Variants in ZCCHC10 observed in about 807,000 individuals in gnomAD.
The protein encoded by ZCCHC10 is zinc finger CCHC domain-containing protein 10.
In ZCCHC10, 16 loss-of-function variants were observed where a neutral mutation model predicts 19.5. That is an observed-to-expected ratio of 0.82 (90% CI 0.56 to 1.25). The LOEUF is 1.25. Ranked by LOEUF, ZCCHC10 falls within the 50% of genes most tolerant of loss-of-function variation. The pLI, the probability that ZCCHC10 is intolerant of heterozygous loss-of-function variation, is 0.00. For synonymous variants in ZCCHC10, 67 were observed against 72.5 expected, an observed-to-expected ratio of 0.92 and a Z score of 0.38; for missense variants, 197 against 201.0, an observed-to-expected ratio of 0.98 and a Z score of 0.12.
chr5:133,009,255 G>A (rs147924073), intron 2 of ZCCHC10, among the ~76,000 whole-genome samples: 4,458 of 151,902 alleles, frequency 0.029, 219 homozygotes, highest in African/African-American at 0.1. Context: ...CACCTACTTC[G>A]GCCTCCCAAA....
At chr5:133,020,230 G>A (rs1764211993) in intron 2 of ZCCHC10, among the ~76,000 whole-genome samples, 1 of 151,676 alleles carries the variant, frequency 6.6e-6, no homozygotes, top group Non-Finnish European at 1.5e-5. Context: ...ACTTTGGAAG[G>A]CCAAGGCAGA....
At chr5:133,015,432 C>T (rs1763858594) in intron 2 of ZCCHC10, among the ~76,000 whole-genome samples, 1 of 152,080 alleles carries the variant, frequency 6.6e-6, no homozygotes, top group African/African-American at 2.4e-5. Flanking sequence ...AATATGTTCA[C>T]AAATTTTGTG....
intron 2 of ZCCHC10, among the ~76,000 whole-genome samples, chr5:133,016,617 A>G (rs532042621): frequency 3.6e-4 from 54 of 151,728 alleles, no homozygotes; most frequent in Admixed American, 1.1e-3. Context: ...TAATTTTTGT[A>G]TTTTTAGTAG....
chr5:133,001,953 C>CT (rs34331639), intron 3 of ZCCHC10, among the ~76,000 whole-genome samples: 11,779 of 77,906 alleles, frequency 0.15, 3,895 homozygotes, highest in Non-Finnish European at 0.23. Context: ...ATTCAGCAAT[C>CT]TTTTTTTTTT....
intron 3 of ZCCHC10, among the ~76,000 whole-genome samples, chr5:133,005,379 G>A (rs1246451088): frequency 2.0e-5 from 3 of 152,156 alleles, no homozygotes; most frequent in Non-Finnish European, 4.4e-5. Context: ...TTGGGAGGCT[G>A]AGGTGGGTGG....
chr5:133,022,457 CTTTTT>C (rs752460017), intron 2 of ZCCHC10, among the ~76,000 whole-genome samples: 1 of 141,550 alleles, frequency 7.1e-6, no homozygotes, highest in African/African-American at 2.6e-5. Flanking sequence ...TATTGTTCAA[CTTTTT>C]TTTTTTTTTT....
Position 132,998,819 on chromosome 5 carries a change from T to C in ZCCHC10, c.343A>G (p.Ser115Gly), listed in dbSNP as rs373349005. 3.1e-6 allele frequency: 5 copies of C among 1,614,108 alleles called. No individual in the cohort carries two copies. The African/African-American group carries it at 5.3e-5, about 17-fold the overall frequency. Residue 115 changes from serine to glycine, a missense_variant, in exon 5 of 5, where the codon AGC (serine) becomes GGC (glycine). Ser to Gly is a moderately conservative substitution (Grantham distance 56, BLOSUM62 0). Coordinates refer to ENST00000509437, the MANE Select transcript of ZCCHC10 (RefSeq NM_001300816.3). ...SKSVTSSSSSSSDSSASDSSS... is the reference protein window; with the variant it reads ...SKSVTSSSSSGSDSSASDSSS... ...GAATCACTGGCAGAACTGTCACTGC[T>C]ACTGCTACTGGAACTGGTTACACTC...
chr5:133,013,318 G>C (rs1005943010), intron 2 of ZCCHC10, among the ~76,000 whole-genome samples: 10 of 146,568 alleles, frequency 6.8e-5, no homozygotes, highest in African/African-American at 2.5e-4. Flanking sequence ...ATATGAAAAA[G>C]TATTCATTAG....
chr5:133,003,383 A>C, intron 3 of ZCCHC10: 1 of 302,652 alleles, frequency 3.3e-6, no homozygotes, highest in South Asian at 3.0e-5. Context: ...GTTTTACTAT[A>C]AAGCTCCTTT....
In ZCCHC10 at chr5:133,021,086, T is replaced by C. The variant is rs534280755; in HGVS notation, c.107+1755A>G. Among the ~76,000 whole-genome samples, 5 of 152,216 alleles carry C rather than the reference T, an allele frequency of 3.3e-5. No homozygotes were observed. In the South Asian group the frequency reaches 1.0e-3, roughly 32 times the overall value. On this transcript the variant is annotated intron_variant, in intron 2 of 4. Coordinates refer to ENST00000509437, the MANE Select transcript of ZCCHC10 (RefSeq NM_001300816.3). ...TAATTTTTTGTATTTTTAGTAGAGATGGGGTTTCACTGTGTTAGCCAGGAT... is the reference window on the plus strand; with the variant it reads ...TAATTTTTTGTATTTTTAGTAGAGACGGGGTTTCACTGTGTTAGCCAGGAT...
chr5:133,012,042 C>T (rs1278564958), intron 2 of ZCCHC10, among the ~76,000 whole-genome samples: 1 of 144,876 alleles, frequency 6.9e-6, no homozygotes, highest in Non-Finnish European at 1.5e-5. Flanking sequence ...GAGGCTGAGG[C>T]AGGAGAATTG....
At chr5:133,015,242 C>G (rs1189169975) in intron 2 of ZCCHC10, among the ~76,000 whole-genome samples, 4 of 151,838 alleles carry the variant, frequency 2.6e-5, no homozygotes, top group African/African-American at 9.7e-5. Flanking sequence ...CCACACTCAG[C>G]TAATTTTTGT....
intron 3 of ZCCHC10, among the ~76,000 whole-genome samples, chr5:133,002,369 T>C (rs1432606419): frequency 1.3e-5 from 2 of 152,094 alleles, no homozygotes; most frequent in African/African-American, 4.8e-5. Context: ...AATAAAATTT[T>C]ATTTATGTAT....
At chr5:133,017,690 A>C (rs1764015003) in intron 2 of ZCCHC10, among the ~76,000 whole-genome samples, 2 of 152,200 alleles carry the variant, frequency 1.3e-5, no homozygotes, top group Admixed American at 1.3e-4. Flanking sequence ...CAGTATTCTC[A>C]AAATTGGAAA....
At chr5:133,021,041 CACCCGCCACCAT>C (rs1764273354) in intron 2 of ZCCHC10, among the ~76,000 whole-genome samples, 1 of 152,140 alleles carries the variant, frequency 6.6e-6, no homozygotes, top group African/African-American at 2.4e-5. Context: ...GGACTACAGG[CACCCGCCACCAT>C]GCCCGGCTAA....
At chr5:133,007,560 CA>C (rs1763206094) in intron 2 of ZCCHC10, among the ~76,000 whole-genome samples, 1 of 141,432 alleles carries the variant, frequency 7.1e-6, no homozygotes, top group African/African-American at 2.7e-5. Flanking sequence ...AAAAAAAAAA[CA>C]AAAAACCACA....
At chr5:133,023,561 G>T (rs1339052474) in intron 1 of ZCCHC10, among the ~76,000 whole-genome samples, 1 of 151,064 alleles carries the variant, frequency 6.6e-6, no homozygotes, top group African/African-American at 2.4e-5. Flanking sequence ...GATTACCTGA[G>T]GTCAGAAGTT....
intron 2 of ZCCHC10, among the ~76,000 whole-genome samples, chr5:133,012,136 C>CAAAAAAAAAAAAAAA (rs1172354725): frequency 4.0e-5 from 3 of 74,814 alleles, no homozygotes; most frequent in Admixed American, 2.0e-4. Context: ...GCCTCCATCT[C>CAAAAAAAAAAAAAAA]AAAAAAAAAA....
chr5:133,010,403 G>A (rs1012750595), intron 2 of ZCCHC10, among the ~76,000 whole-genome samples: 1 of 151,866 alleles, frequency 6.6e-6, no homozygotes, highest in Non-Finnish European at 1.5e-5. Context: ...TAGGCTTTGT[G>A]GAACAAGAGG....
Sources: allele counts gnomAD v4.1 joint callset (sites outside exome capture counted in the v4.1 genomes callset), GRCh38; gene constraint gnomAD v4.1.1; transcripts MANE v1.5; gene names NCBI Gene and HGNC (gene_info 2026-07-23, HGNC 2026-07-21).